The following NOL10 variants were observed in gnomAD, a reference collection of about 807,000 sequenced individuals.
NOL10 encodes H_NH0074G24.1.
Under a neutral mutation model 103.5 loss-of-function variants are expected in NOL10, and 58 were observed. The ratio of observed to expected loss-of-function variants is 0.56; its 90% CI spans 0.45 to 0.70. The LOEUF (loss-of-function observed/expected upper bound fraction) is 0.70. NOL10 is among the 30% of genes least tolerant of loss of function. The pLI is 0.00. For missense variants in NOL10, 763 were observed against 807.3 expected (o/e 0.95, Z 0.67); for synonymous variants, 287 against 282.5 (o/e 1.02, Z -0.16).
At chr2:10,651,882 A>C (rs1169129885) in intron 12 of NOL10, among the ~76,000 whole-genome samples, 1 of 152,202 alleles carries the variant, frequency 6.6e-6, no homozygotes, top group Non-Finnish European at 1.5e-5. Context: ...CAACTATTAC[A>C]GATGAAATGC....
At chr2:10,615,634 T>C (rs1467065760) in intron 13 of NOL10, among the ~76,000 whole-genome samples, 1 of 152,170 alleles carries the variant, frequency 6.6e-6, no homozygotes, top group Non-Finnish European at 1.5e-5. Context: ...CAAAAAGAAC[T>C]GAAGAAGAAG....
At chr2:10,585,888 A>G (rs564139461) in intron 19 of NOL10, among the ~76,000 whole-genome samples, 1 of 152,332 alleles carries the variant, frequency 6.6e-6, no homozygotes, top group Non-Finnish European at 1.5e-5. Context: ...TTTTCTGAAT[A>G]TTTTCAGCCC....
At chr2:10,611,120 T>C (rs6721739) in intron 13 of NOL10, among the ~76,000 whole-genome samples, 11 of 152,010 alleles carry the variant, frequency 7.2e-5, no homozygotes, top group Admixed American at 3.3e-4. Flanking sequence ...CAGGTCAGTA[T>C]TAATAAAAGT....
At chr2:10,639,819 A>T (rs1260673428) in intron 13 of NOL10, among the ~76,000 whole-genome samples, 1 of 152,068 alleles carries the variant, frequency 6.6e-6, no homozygotes, top group African/African-American at 2.4e-5. Flanking sequence ...AAACAATAGA[A>T]CCTGGTCTCT....
At chr2:10,670,361 A>G (rs1004837758) in intron 6 of NOL10, among the ~76,000 whole-genome samples, 2 of 152,212 alleles carry the variant, frequency 1.3e-5, no homozygotes, top group African/African-American at 4.8e-5. Flanking sequence ...ATTTTTGCCT[A>G]CAATTTATCT....
At chr2:10,644,288 T>C (rs1678912080) in intron 13 of NOL10, 32 bp downstream of exon 13, 2 of 1,421,414 alleles carry the variant, frequency 1.4e-6, no homozygotes, top group African/African-American at 3.0e-5. Flanking sequence ...GCTTGTCCTA[T>C]TTTTACTGAA....
chr2:10,650,004 T>C (rs1269906271), intron 12 of NOL10, among the ~76,000 whole-genome samples: 1 of 152,216 alleles, frequency 6.6e-6, no homozygotes, highest in African/African-American at 2.4e-5. Context: ...GTGGACTGGA[T>C]TTGGCCTATA....
At chr2:10,635,317 C>T (rs969783975) in intron 13 of NOL10, among the ~76,000 whole-genome samples, 3 of 152,154 alleles carry the variant, frequency 2.0e-5, no homozygotes, top group East Asian at 3.8e-4. Context: ...GAGGCTCAAC[C>T]TCTACGTTCT....
At chr2:10,659,078 C>A (rs1572393701) in intron 10 of NOL10, 94 bp downstream of exon 10, 3 of 842,082 alleles carry the variant, frequency 3.6e-6, no homozygotes, top group Non-Finnish European at 5.9e-6. Context: ...ATAGTATGAT[C>A]TCATTTTCTG....
At chr2:10,667,611 A>T (rs2148334835) in intron 7 of NOL10, among the ~76,000 whole-genome samples, 1 of 152,324 alleles carries the variant, frequency 6.6e-6, no homozygotes, top group Admixed American at 6.5e-5. Flanking sequence ...ACATTCTTAA[A>T]AGAACACACG....
At chr2:10,645,842 A>AC (rs533395393) in intron 12 of NOL10, among the ~76,000 whole-genome samples, 10 of 151,734 alleles carry the variant, frequency 6.6e-5, no homozygotes, top group African/African-American at 1.2e-4. Context: ...ATACTATCTT[A>AC]CCAAAACCAC....
chr2:10,646,022 T>C (rs1338510516), intron 12 of NOL10, among the ~76,000 whole-genome samples: 1 of 151,908 alleles, frequency 6.6e-6, no homozygotes, highest in Non-Finnish European at 1.5e-5. Context: ...AAGAATAATG[T>C]CTAAATTAAA....
At chr2:10,585,854 A>G (rs1674997962) in intron 19 of NOL10, among the ~76,000 whole-genome samples, 1 of 152,358 alleles carries the variant, frequency 6.6e-6, no homozygotes, top group Admixed American at 6.5e-5. Flanking sequence ...AAAAGTCTGT[A>G]CACGTTCAGT....
At position 10,688,922 on chromosome 2, in the gene NOL10, G is replaced by A. The variant is rs1345755467; in HGVS notation, c.66+874C>T. Among the ~76,000 whole-genome samples, 6 of 152,334 alleles carry A rather than the reference G, an allele frequency of 3.9e-5. No individual in the cohort carries two copies. The East Asian group carries it at 9.6e-4, about 24-fold the overall frequency. On this transcript the variant is annotated intron_variant, in intron 1 of 20. Transcript: ENST00000381685. ...GCTCCAAATTTTTGTAGAAGCAGAC[G>A]CATGGAAGGAGAGCTATATTTATTC...
chr2:10,664,258 G>A (rs1286010548), intron 8 of NOL10, among the ~76,000 whole-genome samples: 2 of 151,900 alleles, frequency 1.3e-5, no homozygotes, highest in African/African-American at 2.4e-5. Context: ...GTGAAACCCC[G>A]TCTCTACTAA....
chr2:10,638,253 C>G (rs1445744016), intron 13 of NOL10, among the ~76,000 whole-genome samples: 2 of 151,948 alleles, frequency 1.3e-5, no homozygotes, highest in Admixed American at 6.6e-5. Context: ...TCACTGCACT[C>G]CAGACAGGGT....
At position 10,689,958 on chromosome 2, in the gene NOL10, C is replaced by A. The variant is rs994433739; in HGVS notation, c.-97G>T. ...CTCCGAGCCCCTGCTCCGCGGCGTG[C>A]GGCCGCTGGCGCCGACTGATGACGC... On this transcript the variant is annotated 5_prime_UTR_variant, in exon 1 of 21. Transcript: ENST00000381685. 6 of 1,132,928 alleles carry A rather than the reference C, an allele frequency of 5.3e-6. No homozygotes were observed. Among genetic ancestry groups the A allele is most frequent in the East Asian group, 2.7e-5 (1 of 37,584 alleles). 70.2% of individuals were successfully genotyped at this position (1,132,928 alleles called of 1,614,324 possible). A position where few individuals can be genotyped will look rare whatever the true frequency, so the allele number is the denominator to read the frequency against.
chr2:10,664,746 G>A (rs887422707), intron 8 of NOL10, among the ~76,000 whole-genome samples: 4 of 152,178 alleles, frequency 2.6e-5, no homozygotes, highest in Non-Finnish European at 5.9e-5. Context: ...ATGTTGCCCA[G>A]GCTGGTCTCG....
At chr2:10,606,543 G>A (rs1191049977) in intron 14 of NOL10, among the ~76,000 whole-genome samples, 3 of 150,192 alleles carry the variant, frequency 2.0e-5, no homozygotes, top group Non-Finnish European at 4.4e-5. Flanking sequence ...AGGAAGCGGA[G>A]GTTGCAATCA....
Sources: allele counts gnomAD v4.1 joint callset (sites outside exome capture counted in the v4.1 genomes callset), GRCh38; gene constraint gnomAD v4.1.1; transcripts MANE v1.5; gene names NCBI Gene and HGNC (gene_info 2026-07-23, HGNC 2026-07-21).